Variants in SDCCAG8 observed in about 807,000 individuals in gnomAD.
The protein encoded by SDCCAG8 is SHH signaling and ciliogenesis regulator SDCCAG8.
SDCCAG8 carries 74 observed loss-of-function variants against 101.8 expected under a neutral mutation model. That is an observed-to-expected ratio of 0.73 (90% confidence interval 0.60 to 0.88). The LOEUF is 0.88. SDCCAG8 is among the 40% of genes least tolerant of loss of function. The pLI, the probability that SDCCAG8 is intolerant of heterozygous loss-of-function variation, is 0.00. For missense variants in SDCCAG8, 787 were observed against 822.6 expected (o/e 0.96, Z 0.53); for synonymous variants, 281 against 292.9 (o/e 0.96, Z 0.41).
At chr1:243,318,525 A>G in intron 9 of SDCCAG8, 1 of 984,238 alleles carries the variant, frequency 1.0e-6, no homozygotes, top group Non-Finnish European at 1.2e-6. Flanking sequence ...AAAAAAAATT[A>G]GGGCTATTCA....
intron 12 of SDCCAG8, among the ~76,000 whole-genome samples, chr1:243,360,361 C>G (rs1263639697): frequency 6.6e-6 from 1 of 151,832 alleles, no homozygotes; most frequent in Non-Finnish European, 1.5e-5. Context: ...ACCGTGTTAG[C>G]CAGGATAGTC....
intron 13 of SDCCAG8, among the ~76,000 whole-genome samples, chr1:243,394,344 G>T (rs1175215527): frequency 6.6e-6 from 1 of 152,146 alleles, no homozygotes; most frequent in East Asian, 1.9e-4. Context: ...AATGATTGTG[G>T]CAGATTTAAA....
chr1:243,327,902 G>A (rs1011732909), intron 9 of SDCCAG8, among the ~76,000 whole-genome samples: 2 of 152,078 alleles, frequency 1.3e-5, no homozygotes, highest in Non-Finnish European at 2.9e-5. Context: ...TTGTTTGTTT[G>A]TTTTGTTTGT....
intron 1 of SDCCAG8, among the ~76,000 whole-genome samples, chr1:243,259,548 G>A (rs1027212968): frequency 5.9e-5 from 9 of 151,898 alleles, no homozygotes; most frequent in African/African-American, 2.2e-4. Flanking sequence ...GGTTGGGCGC[G>A]GTGGCTCACG....
At chr1:243,470,806 A>G (rs1443032321) in intron 16 of SDCCAG8, among the ~76,000 whole-genome samples, 2 of 152,118 alleles carry the variant, frequency 1.3e-5, no homozygotes, top group African/African-American at 4.8e-5. Flanking sequence ...AGAGAGAGCG[A>G]GCTTTGAAGT....
At chr1:243,426,727 T>G (rs1006121710) in intron 16 of SDCCAG8, among the ~76,000 whole-genome samples, 169 bp downstream of exon 16, 2 of 152,228 alleles carry the variant, frequency 1.3e-5, no homozygotes, top group African/African-American at 4.8e-5. Flanking sequence ...TAATTTAGGT[T>G]GTTCTTATTA....
At chr1:243,271,795 C>T (rs1014389935) in intron 3 of SDCCAG8, among the ~76,000 whole-genome samples, 2 of 152,108 alleles carry the variant, frequency 1.3e-5, no homozygotes, top group Admixed American at 6.5e-5. Context: ...CCATCAGCCT[C>T]GGCCTCCCAA....
intron 12 of SDCCAG8, among the ~76,000 whole-genome samples, chr1:243,366,896 G>A (rs990113067): frequency 6.6e-6 from 1 of 151,978 alleles, no homozygotes; most frequent in Non-Finnish European, 1.5e-5. Context: ...ATATATATAT[G>A]TATAATGTCT....
intron 12 of SDCCAG8, among the ~76,000 whole-genome samples, chr1:243,346,629 A>G (rs1222007296): frequency 6.6e-6 from 1 of 152,212 alleles, no homozygotes; most frequent in East Asian, 1.9e-4. Context: ...AGGAAAGGTT[A>G]GGAGAGTAAC....
chr1:243,288,415 C>G (rs762488028), intron 5 of SDCCAG8, among the ~76,000 whole-genome samples: 18 of 151,888 alleles, frequency 1.2e-4, no homozygotes, highest in Non-Finnish European at 2.4e-4. Flanking sequence ...GCAGTAAGCC[C>G]TGATCACGCC....
At chr1:243,349,047 A>G (rs2075931364) in intron 12 of SDCCAG8, among the ~76,000 whole-genome samples, 3 of 152,128 alleles carry the variant, frequency 2.0e-5, no homozygotes, top group African/African-American at 7.2e-5. Flanking sequence ...TACAATTGCT[A>G]ATAATTTCAA....
chr1:243,367,549 G>A (rs2077053695), intron 12 of SDCCAG8, among the ~76,000 whole-genome samples: 1 of 151,836 alleles, frequency 6.6e-6, no homozygotes, highest in South Asian at 2.1e-4. Context: ...AGAAACAGTG[G>A]GTGATCTTCA....
intron 1 of SDCCAG8, among the ~76,000 whole-genome samples, chr1:243,259,499 A>G (rs1351352060): frequency 6.6e-6 from 1 of 151,958 alleles, no homozygotes; most frequent in Admixed American, 6.6e-5. Context: ...TTCTAATGTG[A>G]AAACTGAGTC....
At chr1:243,402,942 T>C (rs1205052831) in intron 13 of SDCCAG8, among the ~76,000 whole-genome samples, 2 of 152,180 alleles carry the variant, frequency 1.3e-5, no homozygotes, top group Non-Finnish European at 2.9e-5. Flanking sequence ...AGATGAGTGA[T>C]TAAATATACC....
intron 16 of SDCCAG8, among the ~76,000 whole-genome samples, chr1:243,433,038 A>T (rs577866708): frequency 2.6e-5 from 4 of 152,274 alleles, no homozygotes; most frequent in African/African-American, 9.6e-5. Context: ...CTGAGCAGAA[A>T]ATGATAGTGA....
At chr1:243,260,081 T>C (rs1187533285) in intron 1 of SDCCAG8, among the ~76,000 whole-genome samples, 1 of 152,166 alleles carries the variant, frequency 6.6e-6, no homozygotes, top group East Asian at 1.9e-4. Context: ...ATCTCTTGCT[T>C]TGGGTCGCCT....
chr1:243,469,236 T>C (rs533419211), intron 16 of SDCCAG8, among the ~76,000 whole-genome samples: 2 of 152,324 alleles, frequency 1.3e-5, no homozygotes, highest in East Asian at 3.9e-4. Context: ...TTGTCATTTT[T>C]TTGAGTAGTA....
chr1:243,281,650 C>T (rs1164184755), intron 4 of SDCCAG8, among the ~76,000 whole-genome samples: 20 of 113,734 alleles, frequency 1.8e-4, no homozygotes, highest in East Asian at 5.4e-4. Flanking sequence ...CCTTCTCTGG[C>T]TTTTTTTTTT....
At chr1:243,390,125 G>T (rs2078610882) in intron 13 of SDCCAG8, among the ~76,000 whole-genome samples, 1 of 152,092 alleles carries the variant, frequency 6.6e-6, no homozygotes, top group Admixed American at 6.5e-5. Context: ...GTATATTCTT[G>T]CTATTTTACA....
Sources: allele counts gnomAD v4.1 joint callset (sites outside exome capture counted in the v4.1 genomes callset), GRCh38; gene constraint gnomAD v4.1.1; transcripts MANE v1.5; gene names NCBI Gene and HGNC (gene_info 2026-07-23, HGNC 2026-07-21).